Variants in RNF38 observed in about 807,000 individuals in gnomAD.
The protein encoded by RNF38 is E3 ubiquitin-protein ligase RNF38.
In RNF38, 15 loss-of-function variants were observed where a neutral mutation model predicts 67.2. The observed-to-expected ratio is 0.22, with a 90% confidence interval of 0.15 to 0.34. RNF38 has a LOEUF of 0.34. Ranked by LOEUF, RNF38 falls within the 10% of genes least tolerant of loss-of-function variation. The pLI, the probability that RNF38 is intolerant of heterozygous loss-of-function variation, is 1.00. For synonymous variants in RNF38, 220 were observed against 218.8 expected (o/e 1.01, Z -0.05); for missense variants, 524 against 639.9 (o/e 0.82, Z 1.95).
intron 1 of RNF38, among the ~76,000 whole-genome samples, chr9:36,437,096 G>A (rs886129225): frequency 2.0e-5 from 3 of 152,230 alleles, no homozygotes; most frequent in Non-Finnish European, 4.4e-5. Flanking sequence ...TTGGGCTGCA[G>A]TGGCAGGCGG....
intron 1 of RNF38, among the ~76,000 whole-genome samples, chr9:36,391,612 C>CTT (rs1158051513): frequency 2.5e-4 from 34 of 134,634 alleles, no homozygotes; most frequent in East Asian, 4.2e-4. Context: ...TCGTTTCCTA[C>CTT]TTTTTTTTTT....
chr9:36,469,617 C>T (rs757594337), intron 1 of RNF38, among the ~76,000 whole-genome samples: 15 of 151,852 alleles, frequency 9.9e-5, no homozygotes, highest in African/African-American at 2.4e-4. Context: ...GCCAAGATGG[C>T]GCCATTGCAC....
intron 2 of RNF38, among the ~76,000 whole-genome samples, chr9:36,417,060 C>G (rs1838493763): frequency 6.6e-6 from 1 of 152,082 alleles, no homozygotes. Context: ...CCGCGCCTGG[C>G]CTTGCATCAA....
At chr9:36,447,935 G>A (rs931920070) in intron 1 of RNF38, among the ~76,000 whole-genome samples, 1 of 152,180 alleles carries the variant, frequency 6.6e-6, no homozygotes, top group Non-Finnish European at 1.5e-5. Context: ...CAAGAGCAGC[G>A]GCTTCTACCC....
At chr9:36,479,105 C>T (rs187585298) in intron 1 of RNF38, among the ~76,000 whole-genome samples, 1 of 152,276 alleles carries the variant, frequency 6.6e-6, no homozygotes, top group African/African-American at 2.4e-5. Context: ...CAACAACGCT[C>T]CATTATCCAC....
chr9:36,433,857 C>A (rs13291792), intron 1 of RNF38, among the ~76,000 whole-genome samples: 437 of 152,116 alleles, frequency 2.9e-3, no homozygotes, highest in Non-Finnish European at 4.8e-3. Flanking sequence ...AAAAAACAGG[C>A]TCTCAAACAT....
chr9:36,338,605 A>C lies in RNF38; in HGVS notation c.*1147T>G, dbSNP rs1832614013. On this transcript the variant is annotated 3_prime_UTR_variant, in exon 12 of 12. Coordinates refer to ENST00000259605, the MANE Select transcript of RNF38 (RefSeq NM_022781.5). Reference sequence around the variant, plus strand: ...TTAAAACAATTGAGTTGCCCACAGGAGCTTGAACACAGAACACATATGAGA... The same window carrying C: ...TTAAAACAATTGAGTTGCCCACAGGCGCTTGAACACAGAACACATATGAGA... 1 of 152,312 alleles carries C rather than the reference A, an allele frequency of 6.6e-6. No individual in the cohort carries two copies. The highest frequency in any genetic ancestry group is 6.5e-5 in the Admixed American group (1 of 15,270). The allele number at this position is 152,312 out of a possible 1,614,324, so 9.4% of individuals were successfully genotyped here.
At chr9:36,459,780 C>T (rs1839683612) in intron 1 of RNF38, among the ~76,000 whole-genome samples, 2 of 152,144 alleles carry the variant, frequency 1.3e-5, no homozygotes, top group South Asian at 4.1e-4. Context: ...TCATTTCCAT[C>T]TTCTACTGTC....
intron 9 of RNF38, among the ~76,000 whole-genome samples, chr9:36,348,292 C>A (rs1393249681): frequency 2.6e-5 from 4 of 151,100 alleles, no homozygotes; most frequent in African/African-American, 9.7e-5. Flanking sequence ...AAAACCTTAT[C>A]TCTGAAAGAA....
intron 1 of RNF38, among the ~76,000 whole-genome samples, chr9:36,459,288 G>T (rs1246561013): frequency 6.6e-6 from 1 of 152,080 alleles, no homozygotes; most frequent in Non-Finnish European, 1.5e-5. Flanking sequence ...AAATGTTCTG[G>T]GGGAATCTCT....
chr9:36,455,376 T>C (rs956967233), intron 1 of RNF38, among the ~76,000 whole-genome samples: 5 of 152,030 alleles, frequency 3.3e-5, no homozygotes, highest in Admixed American at 3.3e-4. Flanking sequence ...AAATGAAATA[T>C]TGTACTTTAT....
At chr9:36,376,840 C>T (rs1564022307) in intron 2 of RNF38, among the ~76,000 whole-genome samples, 1 of 149,748 alleles carries the variant, frequency 6.7e-6, no homozygotes, top group Non-Finnish European at 1.5e-5. Context: ...GCAGGAGAAT[C>T]GCTTGAACCC....
chr9:36,409,875 T>C (rs1434193833), intron 2 of RNF38, among the ~76,000 whole-genome samples: 4 of 152,192 alleles, frequency 2.6e-5, no homozygotes, highest in Non-Finnish European at 5.9e-5. Flanking sequence ...AAACAAATCA[T>C]AATATTAAGT....
intron 1 of RNF38, among the ~76,000 whole-genome samples, chr9:36,438,067 G>C (rs549268428): frequency 6.6e-6 from 1 of 152,170 alleles, no homozygotes; most frequent in African/African-American, 2.4e-5. Context: ...TCAGCCTCTC[G>C]AGTAGCTGGG....
At chr9:36,476,829 T>C (rs1840131654) in intron 1 of RNF38, among the ~76,000 whole-genome samples, 1 of 151,962 alleles carries the variant, frequency 6.6e-6, no homozygotes, top group African/African-American at 2.4e-5. Context: ...CAGGACAAAA[T>C]TATGCTGGCG....
Position 36,356,442 on chromosome 9 carries a change from G to T in RNF38, c.770C>A (p.Pro257Gln), listed in dbSNP as rs1465948869. The change falls in exon 6 of 12, where the codon CCA becomes CAA. Residue 257 changes from proline to glutamine, a missense_variant. Coordinates refer to ENST00000259605, the MANE Select transcript of RNF38 (RefSeq NM_022781.5). ...MLQACSVQHL[P>Q]VPYAAFPPLI... ...GGGTGGGAATGCAGCATATGGTACTGGTAAGTGCTGAACTGAACATGCCTG... is the reference window on the plus strand; with the variant it reads ...GGGTGGGAATGCAGCATATGGTACTTGTAAGTGCTGAACTGAACATGCCTG... 3.7e-6 allele frequency: 6 copies of T among 1,612,574 alleles called. No homozygotes were observed. Among genetic ancestry groups the T allele is most frequent in the Middle Eastern group, 1.7e-4 (1 of 6,050 alleles).
intron 2 of RNF38, among the ~76,000 whole-genome samples, chr9:36,410,558 T>C (rs1838297520): frequency 6.6e-6 from 1 of 152,102 alleles, no homozygotes; most frequent in Non-Finnish European, 1.5e-5. Flanking sequence ...TGCTGGCAGA[T>C]CTACAACATG....
chr9:36,403,751 C>T (rs1171371250), upstream of RNF38, among the ~76,000 whole-genome samples: 1 of 152,176 alleles, frequency 6.6e-6, no homozygotes, highest in Non-Finnish European at 1.5e-5. Flanking sequence ...TAACAGCAGC[C>T]ACTATACAAA....
intron 1 of RNF38, among the ~76,000 whole-genome samples, chr9:36,460,903 AAAAG>A (rs765156793): frequency 0.021 from 3,030 of 145,074 alleles, 49 homozygotes; most frequent in South Asian, 0.053. Flanking sequence ...AAAAAAAAAA[AAAAG>A]AAAGAAAGAA....
Sources: allele counts gnomAD v4.1 joint callset (sites outside exome capture counted in the v4.1 genomes callset), GRCh38; gene constraint gnomAD v4.1.1; transcripts MANE v1.5; gene names NCBI Gene and HGNC (gene_info 2026-07-23, HGNC 2026-07-21).